The following CNTNAP4 variants were observed in gnomAD, a reference collection of about 807,000 sequenced individuals.
CNTNAP4 encodes the protein contactin associated protein family member 4.
Under a neutral mutation model 148.4 loss-of-function variants are expected in CNTNAP4, and 98 were observed. The observed-to-expected ratio is 0.66, with a 90% CI of 0.56 to 0.78. The LOEUF is 0.78. CNTNAP4 is among the 30% of genes least tolerant of loss of function. The pLI, the probability that CNTNAP4 is intolerant of heterozygous loss-of-function variation, is 0.00. For synonymous variants in CNTNAP4, 730 were observed against 565.1 expected (o/e 1.29, Z -4.14); for missense variants, 1,935 against 1,565.6 (o/e 1.24, Z -3.98).
At chr16:76,321,588 G>C (rs1049553682) in intron 2 of CNTNAP4, among the ~76,000 whole-genome samples, 3 of 151,960 alleles carry the variant, frequency 2.0e-5, no homozygotes, top group Admixed American at 2.0e-4. Context: ...AGGAGATCGA[G>C]ACCATCCTGG....
chr16:76,469,643 T>C (rs746891163), intron 10 of CNTNAP4: 7 of 152,248 alleles, frequency 4.6e-5, no homozygotes, highest in Non-Finnish European at 1.0e-4. Flanking sequence ...GGTTGCCTAC[T>C]TTCTGAAGGT....
intron 3 of CNTNAP4, among the ~76,000 whole-genome samples, chr16:76,408,508 T>C (rs4888500): frequency 0.37 from 56,312 of 151,054 alleles, 10,727 homozygotes; most frequent in Middle Eastern, 0.49. Flanking sequence ...ATCAACCCCA[T>C]GGCCTTTTCT....
chr16:76,418,214 C>A (rs938996296), intron 3 of CNTNAP4, among the ~76,000 whole-genome samples: 1 of 151,412 alleles, frequency 6.6e-6, no homozygotes, highest in Admixed American at 6.6e-5. Flanking sequence ...ATTATCTTTT[C>A]CTTCTGGTAT....
At chr16:76,514,694 T>C (rs1002649593) in intron 15 of CNTNAP4, among the ~76,000 whole-genome samples, 4 of 109,870 alleles carry the variant, frequency 3.6e-5, no homozygotes, top group African/African-American at 1.0e-4. Context: ...TTCTTCATTT[T>C]TATTTTGCTT....
chr16:76,368,959 C>G (rs1341514865), intron 3 of CNTNAP4, among the ~76,000 whole-genome samples: 1 of 151,304 alleles, frequency 6.6e-6, no homozygotes, highest in Non-Finnish European at 1.5e-5. Context: ...TCCATCATCA[C>G]AAAAATTCTC....
chr16:76,459,662 A>G (rs749978495), intron 8 of CNTNAP4, among the ~76,000 whole-genome samples: 23 of 152,242 alleles, frequency 1.5e-4, no homozygotes, highest in Non-Finnish European at 2.5e-4. Flanking sequence ...TAAAATCAGT[A>G]AAGAAATCAC....
At chr16:76,420,275 A>AATAAT (rs2079139889) in intron 3 of CNTNAP4, among the ~76,000 whole-genome samples, 2 of 150,132 alleles carry the variant, frequency 1.3e-5, no homozygotes, top group African/African-American at 2.4e-5. Flanking sequence ...ATTCTATAGG[A>AATAAT]GATAAATATT....
At chr16:76,502,204 C>T (rs1233524647) in intron 15 of CNTNAP4, among the ~76,000 whole-genome samples, 3 of 152,092 alleles carry the variant, frequency 2.0e-5, no homozygotes, top group South Asian at 2.1e-4. Flanking sequence ...TGAGGTTCAT[C>T]GTCACGTGAG....
At chr16:76,285,516 A>G (rs565081021) in intron 1 of CNTNAP4, among the ~76,000 whole-genome samples, 55 of 152,132 alleles carry the variant, frequency 3.6e-4, no homozygotes, top group Non-Finnish European at 7.2e-4. Flanking sequence ...ATTACTTGGC[A>G]GTGCTCTAGA....
At chr16:76,544,254 C>T (rs768501823) in intron 21 of CNTNAP4, among the ~76,000 whole-genome samples, 4 of 150,364 alleles carry the variant, frequency 2.7e-5, no homozygotes, top group African/African-American at 9.8e-5. Context: ...TTACAACAAA[C>T]GACTTAAGTA....
intron 3 of CNTNAP4, among the ~76,000 whole-genome samples, chr16:76,384,663 G>T (rs983330397): frequency 6.6e-6 from 1 of 152,142 alleles, no homozygotes; most frequent in Non-Finnish European, 1.5e-5. Context: ...AACAGTCATG[G>T]TAGGCGATTG....
At chr16:76,399,831 C>T (rs959628525) in intron 3 of CNTNAP4, among the ~76,000 whole-genome samples, 17 of 152,166 alleles carry the variant, frequency 1.1e-4, no homozygotes, top group Admixed American at 3.3e-4. Flanking sequence ...ATGTATCACA[C>T]TTAACTAATG....
intron 15 of CNTNAP4, among the ~76,000 whole-genome samples, chr16:76,514,807 C>T (rs1344127725): frequency 1.3e-5 from 2 of 152,240 alleles, no homozygotes; most frequent in African/African-American, 4.8e-5. Flanking sequence ...TTATTGTGTT[C>T]TGATAATATA....
At chr16:76,339,071 T>C (rs934052910) in intron 2 of CNTNAP4, among the ~76,000 whole-genome samples, 1 of 152,168 alleles carries the variant, frequency 6.6e-6, no homozygotes, top group Admixed American at 6.5e-5. Flanking sequence ...GTAGTTTCTG[T>C]GTTTGAAATT....
intron 3 of CNTNAP4, among the ~76,000 whole-genome samples, chr16:76,381,944 AG>A (rs543623964): frequency 5.1e-4 from 78 of 151,636 alleles, no homozygotes; most frequent in African/African-American, 1.9e-3. Flanking sequence ...CTGTAGTCCC[AG>A]CTACTCGGGA....
chr16:76,460,181 C>T (rs1237234074), intron 8 of CNTNAP4, among the ~76,000 whole-genome samples: 1 of 152,038 alleles, frequency 6.6e-6, no homozygotes, highest in Non-Finnish European at 1.5e-5. Context: ...AATCTCGGCT[C>T]ACCGCAACCT....
intron 1 of CNTNAP4, among the ~76,000 whole-genome samples, chr16:76,295,106 T>G (rs977089836): frequency 6.6e-6 from 1 of 152,090 alleles, no homozygotes; most frequent in Non-Finnish European, 1.5e-5. Context: ...GTAAGTGCAA[T>G]GAGGGAGAGG....
Position 76,331,956 on chromosome 16 carries a change from A to T in CNTNAP4, c.196+15433A>T, listed in dbSNP as rs535435533. 2.0e-5 allele frequency among the ~76,000 whole-genome samples: 3 copies of T among 151,976 alleles called. No homozygotes were observed. The South Asian group carries it at 6.2e-4, about 31-fold the overall frequency. ...TTCGGGAATGTCACTTCTTCATTTA[A>T]AAAAGGTAGTTTTACTAGATTTAGA... On this transcript the variant is annotated intron_variant, in intron 2 of 23. Coordinates refer to ENST00000611870, the MANE Select transcript of CNTNAP4 (RefSeq NM_033401.5).
At chr16:76,346,299 C>T (rs748545891) in intron 2 of CNTNAP4, among the ~76,000 whole-genome samples, 15 of 151,756 alleles carry the variant, frequency 9.9e-5, no homozygotes, top group African/African-American at 1.7e-4. Flanking sequence ...CTAGTAATGC[C>T]GGCTTTTCTA....
Sources: gnomAD v4.1 joint callset for allele counts (sites outside exome capture counted in the v4.1 genomes callset) on GRCh38, gnomAD v4.1.1 for gene constraint, MANE v1.5 for transcripts, NCBI Gene and HGNC (gene_info 2026-07-23, HGNC 2026-07-21) for gene names.